Variants in CLCNKA observed in about 807,000 individuals in gnomAD.
CLCNKA encodes chloride channel protein ClC-Ka.
In CLCNKA, 66 loss-of-function variants were observed where a neutral mutation model predicts 83.3. The ratio of observed to expected loss-of-function variants is 0.79; its 90% CI spans 0.65 to 0.97. The LOEUF (loss-of-function observed/expected upper bound fraction) is 0.97. CLCNKA is among the 50% of genes least tolerant of loss of function. The pLI is 0.00. For synonymous variants in CLCNKA, 357 were observed against 370.4 expected (o/e 0.96, Z 0.42); for missense variants, 806 against 888.7 (o/e 0.91, Z 1.18).
At position 16,022,702 on chromosome 1, in the gene CLCNKA, T is replaced by C. The variant is rs1331773922; in HGVS notation, c.83T>C (p.Ile28Thr). ...GAGCTGTGGGGCCCCTGTCCCCACA[T>C]CCGCCGAGCCATCCAAGGTGAGAGC... Reference protein sequence around the residue: ...LQELWGPCPHIRRAIQGGLEW... With the variant: ...LQELWGPCPHTRRAIQGGLEW... Residue 28 changes from isoleucine (I) to threonine (T), a missense_variant, in exon 2 of 20, where the codon ATC (isoleucine) becomes ACC (threonine). Transcript: ENST00000331433. 6.5e-7 allele frequency: 1 copy of C among 1,535,988 alleles called. No individual in the cohort carries two copies. The highest frequency in any genetic ancestry group is 8.8e-7 in the Non-Finnish European group (1 of 1,139,114).
chr1:16,022,763 G>A (rs1357997347), intron 2 of CLCNKA, 44 bp downstream of exon 2: 5 of 1,363,170 alleles, frequency 3.7e-6, no homozygotes, highest in South Asian at 1.5e-5. Flanking sequence ...GACCACTCAG[G>A]ACATCATTCC....
rs376669628 is a variant in CLCNKA at position 16,028,091 on chromosome 1, C to G, written c.940C>G (p.Arg314Gly). Residue 314 changes from arginine to glycine, a missense_variant, in exon 10 of 20, where the codon CGG becomes GGG. By Grantham distance (125) the Arg-to-Gly change is moderately radical (BLOSUM62 -2). Coordinates refer to ENST00000331433, the MANE Select transcript of CLCNKA (RefSeq NM_004070.4). ...CTTCCTCAGCTTCATCAAGACCAAT[C>G]GGTACAGCTCCAAACTGCTGGCTAC... ...RTFLSFIKTN[R>G]YSSKLLATSK... 128 of 1,572,176 alleles carry G rather than the reference C, an allele frequency of 8.1e-5. 1 individual carries two copies. The highest frequency in any genetic ancestry group is 9.4e-5 in the Non-Finnish European group (107 of 1,142,950).
At chr1:16,028,234 C>A in intron 10 of CLCNKA, 115 bp downstream of exon 10, 2 of 972,434 alleles carry the variant, frequency 2.1e-6, no homozygotes, top group Non-Finnish European at 3.2e-6. Context: ...CCTCCCTAGC[C>A]CGTGGAGCAT....
intron 2 of CLCNKA, 106 bp from the exon 3 acceptor site, chr1:16,023,694 T>C: frequency 1.4e-6 from 2 of 1,404,040 alleles, no homozygotes; most frequent in Non-Finnish European, 9.9e-7. Flanking sequence ...TACCCCAGAC[T>C]CAACTACCAG....
Position 16,022,642 on chromosome 1 carries a change from G to A in CLCNKA, c.23G>A (p.Arg8His), listed in dbSNP as rs9442189. The A allele has an allele frequency of 0.02, 30,866 of 1,566,692 alleles. 397 individuals carry two copies. Among genetic ancestry groups the A allele is most frequent in the Middle Eastern group, 0.031 (185 of 5,954 alleles). Residue 8 changes from arginine (R) to histidine (H), a missense_variant, in exon 2 of 20, where the codon CGT (arginine) becomes CAT (histidine). Arg to His is a conservative substitution (Grantham distance 29). Transcript: ENST00000331433. ...CTGATGGAGGAGTTGGTGGGGCTGC[G>A]TGAGGGCTTCTCAGGGGACCCTGTG... MEELVGL[R>H]EGFSGDPVTL... is the part of the protein sequence containing the mutation.
Position 16,029,176 on chromosome 1 carries a change from G to T in CLCNKA, c.1104G>T (p.Ala368=). 3.1e-6 allele frequency: 5 copies of T among 1,612,884 alleles called. No homozygotes were observed. Among genetic ancestry groups the T allele is most frequent in the Non-Finnish European group, 4.2e-6 (5 of 1,179,840 alleles). Residue 368 remains alanine, a synonymous_variant, in exon 12 of 20, where the codon GCG becomes GCT. Coordinates refer to ENST00000331433, the MANE Select transcript of CLCNKA (RefSeq NM_004070.4). ...LDSLFDNHSW[A]LMTQNSSPPW... ...CGCTGTTCGACAACCACTCCTGGGCGCTGATGACCCAGAACTCCAGCCCAC... is the reference window on the plus strand; with the variant it reads ...CGCTGTTCGACAACCACTCCTGGGCTCTGATGACCCAGAACTCCAGCCCAC...
At chr1:16,029,438 T>C in intron 12 of CLCNKA, 139 bp downstream of exon 12, 2 of 1,340,096 alleles carry the variant, frequency 1.5e-6, no homozygotes, top group Non-Finnish European at 2.1e-6. Context: ...GCCCACTGCA[T>C]GGTCCTGGAT....
rs771717536 is a variant in CLCNKA at position 16,027,871 on chromosome 1, G to A, written c.832G>A (p.Asp278Asn). Residue 278 changes from aspartate to asparagine, a missense_variant, in exon 9 of 20, where the codon GAC (aspartate) becomes AAC (asparagine). Transcript: ENST00000331433. The stretch of plus-strand genomic sequence containing the variant: ...CAGTTTCCGGGTGGACGTTCCCTTC[G>A]ACCTGCCTGAGATCTTCTTTTTTGT... Reference protein sequence around the residue: ...KTSFRVDVPFDLPEIFFFVAL... With the variant: ...KTSFRVDVPFNLPEIFFFVAL... 8.7e-6 allele frequency: 14 copies of A among 1,613,360 alleles called. No homozygotes were observed. Among genetic ancestry groups the A allele is most frequent in the South Asian group, 1.1e-5 (1 of 91,034 alleles).
Position 16,027,811 on chromosome 1 carries a change from C to T in CLCNKA, c.782-10C>T. The stretch of plus-strand genomic sequence containing the variant: ...CGCCATCTTGGCTCCCCACTGCCCT[C>T]CTTCCCCAGAGACCATCACCTCCCT... On this transcript the variant is annotated splice_polypyrimidine_tract_variant and intron_variant, in intron 8 of 19. Transcript: ENST00000331433. 1.2e-6 allele frequency: 2 copies of T among 1,607,210 alleles called. No individual in the cohort carries two copies. The highest frequency in any genetic ancestry group is 1.1e-5 in the South Asian group (1 of 90,834).
intron 19 of CLCNKA, 65 bp downstream of exon 19, chr1:16,033,321 G>T: frequency 6.5e-7 from 1 of 1,533,722 alleles, no homozygotes; most frequent in South Asian, 1.1e-5. Context: ...GGGAGATGGG[G>T]AGGTGGGGGG....
At chr1:16,023,545 G>A (rs1333791259) in intron 2 of CLCNKA, among the ~76,000 whole-genome samples, 2 of 152,212 alleles carry the variant, frequency 1.3e-5, no homozygotes, top group Admixed American at 6.5e-5. Flanking sequence ...CCAGCAGAGG[G>A]TAGCTCCAGG....
chr1:16,029,689 C>T (rs1243010281), intron 12 of CLCNKA, 42 bp from the exon 13 acceptor site: 2 of 1,611,750 alleles, frequency 1.2e-6, no homozygotes, highest in East Asian at 4.5e-5. Flanking sequence ...ACACCTTGCC[C>T]AGCGGCCTCT....
chr1:16,032,157 G>GT (rs1557457098), intron 16 of CLCNKA, 46 bp from the exon 17 acceptor site: 1 of 1,569,348 alleles, frequency 6.4e-7, no homozygotes, highest in South Asian at 1.1e-5. Context: ...CCTCAGGCCT[G>GT]TTTCTTCATA....
At chr1:16,031,478 A>T (rs1166661709) in intron 15 of CLCNKA, among the ~76,000 whole-genome samples, 1 of 152,034 alleles carries the variant, frequency 6.6e-6, no homozygotes, top group Non-Finnish European at 1.5e-5. Flanking sequence ...GGTCTGGGGG[A>T]CATGGGGGAC....
chr1:16,028,049 C>G lies in CLCNKA; in HGVS notation c.898C>G (p.Leu300Val). The G allele has an allele frequency of 6.2e-7, 1 of 1,613,564 alleles. No individual in the cohort carries two copies. Among genetic ancestry groups the G allele is most frequent in the South Asian group, 1.1e-5 (1 of 91,074 alleles). ...GICGVLSCAY[L>V]FCQRTFLSFI... is the part of the protein sequence containing the mutation. ...CTGCGGCGTCCTGAGCTGTGCTTAC[C>G]TCTTCTGTCAGCGAACCTTCCTCAG... The change falls in exon 10 of 20, where the codon CTC (leucine) becomes GTC (valine). Residue 300 changes from leucine to valine, a missense_variant. By Grantham distance (32) the Leu-to-Val change is conservative. Coordinates refer to ENST00000331433, the MANE Select transcript of CLCNKA (RefSeq NM_004070.4).
In CLCNKA at chr1:16,030,078, G is replaced by A; in HGVS notation, c.1408+3G>A. 3 of 1,594,760 alleles carry A rather than the reference G, an allele frequency of 1.9e-6. No homozygotes were observed. The South Asian group carries it at 3.3e-5, about 18-fold the overall frequency. On this transcript the variant is annotated splice_donor_region_variant and intron_variant, in intron 14 of 19. Transcript: ENST00000331433. ...GCCCGGGGGGTATGCTCTGGCAGGT[G>A]AGTGGGTCACGGCCCTGCTGGGTGG...
chr1:16,032,241 C>G lies in CLCNKA; in HGVS notation c.1795C>G (p.Leu599Val). 6.5e-7 allele frequency: 1 copy of G among 1,540,044 alleles called. No individual in the cohort carries two copies. The highest frequency in any genetic ancestry group is 8.8e-7 in the Non-Finnish European group (1 of 1,134,978). Reference sequence around the variant, plus strand: ...GGTAGGCATCGTGCAGAGGGCCCAGCTGGTGCAGGCCCTCCAGGCTGAGCC... The same window carrying G: ...GGTAGGCATCGTGCAGAGGGCCCAGGTGGTGCAGGCCCTCCAGGCTGAGCC... ...ILVGIVQRAQLVQALQAEPPS... is the reference protein window; with the variant it reads ...ILVGIVQRAQVVQALQAEPPS... The change falls in exon 17 of 20, where the codon CTG becomes GTG. Residue 599 changes from leucine (L) to valine (V), a missense_variant. By Grantham distance (32) the Leu-to-Val change is conservative. Coordinates refer to ENST00000331433, the MANE Select transcript of CLCNKA (RefSeq NM_004070.4).
chr1:16,030,516 CT>C lies in CLCNKA; in HGVS notation c.1467del (p.Phe489LeufsTer3), dbSNP rs1405107633. 1 of 1,612,996 alleles carries C rather than the reference CT, an allele frequency of 6.2e-7. No individual in the cohort carries two copies. The highest frequency in any genetic ancestry group is 8.5e-7 in the Non-Finnish European group (1 of 1,180,048). On this transcript the variant is annotated frameshift_variant, in exon 15 of 20. Transcript: ENST00000331433. LOFTEE classifies it high-confidence loss of function. ...ACACCATCTCCACGGCGCTGCTGGC[CT>C]TTGAGCTGACCGGCCAGATAGTGCA... Reference protein sequence around the residue: ...THTISTALLAFELTGQIVHAL... With the variant: ...THTISTALLAXELTGQIVHAL...
At chr1:16,030,368 AG>A in intron 14 of CLCNKA, 92 bp from the exon 15 acceptor site, 2 of 1,491,438 alleles carry the variant, frequency 1.3e-6, no homozygotes, top group Non-Finnish European at 1.9e-6. Flanking sequence ...TTCCCACCCT[AG>A]CCCCCGGCAG....
Sources: gnomAD v4.1 joint callset for allele counts (sites outside exome capture counted in the v4.1 genomes callset) on GRCh38, gnomAD v4.1.1 for gene constraint, MANE v1.5 for transcripts, NCBI Gene and HGNC (gene_info 2026-07-23, HGNC 2026-07-21) for gene names.